ESYT2: variants seen among roughly 807,000 people sequenced by gnomAD.
ESYT2 encodes extended synaptotagmin 2, also known as extended synaptotagmin-2.
In ESYT2, 54 loss-of-function variants were observed where a neutral mutation model predicts 107.2. That is an observed-to-expected ratio of 0.50 (90% CI 0.40 to 0.63). The LOEUF (loss-of-function observed/expected upper bound fraction) is 0.63, where lower values mean the gene tolerates loss of function less well. Ranked by LOEUF, ESYT2 falls within the 30% of genes least tolerant of loss-of-function variation. The pLI is 0.00. For missense variants in ESYT2, 1,020 were observed against 1,094.5 expected (o/e 0.93, Z 0.96); for synonymous variants, 491 against 434.1 (o/e 1.13, Z -1.63).
chr7:158,813,628 T>G lies in ESYT2; in HGVS notation c.331-14556A>C, dbSNP rs568571087. ...TGAGAAAATCCATTGCTAGTAGACT[T>G]GCACTAAAAGAAATACTAAAGTAAG... On this transcript the variant is annotated intron_variant, in intron 1 of 22. Transcript: ENST00000275418. 6.6e-5 allele frequency among the ~76,000 whole-genome samples: 10 copies of G among 152,210 alleles called. No homozygotes were observed. In the East Asian group the frequency reaches 1.9e-3, roughly 29 times the overall value.
chr7:158,828,168 C>T (rs2129474526), intron 1 of ESYT2, among the ~76,000 whole-genome samples: 1 of 152,328 alleles, frequency 6.6e-6, no homozygotes, highest in East Asian at 1.9e-4. Context: ...CCACATCTTT[C>T]GAGAGACACT....
intron 1 of ESYT2, among the ~76,000 whole-genome samples, chr7:158,801,943 C>T (rs1039298449): frequency 1.3e-5 from 2 of 152,304 alleles, no homozygotes; most frequent in Admixed American, 6.5e-5. Flanking sequence ...TTAATCCTCA[C>T]CAGAACCTTT....
At chr7:158,742,289 G>A (rs1837241720) in intron 17 of ESYT2, among the ~76,000 whole-genome samples, 1 of 152,180 alleles carries the variant, frequency 6.6e-6, no homozygotes, top group African/African-American at 2.4e-5. Flanking sequence ...GTGTGGAAGG[G>A]CAGGCCACCC....
At chr7:158,819,661 TTTC>T (rs1474549810) in intron 1 of ESYT2, among the ~76,000 whole-genome samples, 7 of 152,364 alleles carry the variant, frequency 4.6e-5, no homozygotes, top group African/African-American at 1.4e-4. Flanking sequence ...AGGTAACGTT[TTTC>T]TTCTTTATTC....
intron 14 of ESYT2, among the ~76,000 whole-genome samples, chr7:158,752,232 G>A (rs995441628): frequency 2.0e-5 from 3 of 152,100 alleles, no homozygotes; most frequent in African/African-American, 7.2e-5. Flanking sequence ...GAGCACACAC[G>A]TGGATGTCAT....
At chr7:158,764,903 C>G in intron 8 of ESYT2, 50 bp from the exon 9 acceptor site, 3 of 1,582,096 alleles carry the variant, frequency 1.9e-6, no homozygotes, top group Non-Finnish European at 2.6e-6. Context: ...GCTTGTTTAA[C>G]TGGCATGGAA....
intron 20 of ESYT2, 131 bp downstream of exon 20, chr7:158,736,917 A>G (rs979078309): frequency 8.6e-7 from 1 of 1,161,786 alleles, no homozygotes. Flanking sequence ...ATGTTTGCTA[A>G]AAGTTGGTTT....
At chr7:158,745,228 AGCG>A in intron 16 of ESYT2, among the ~76,000 whole-genome samples, 8 of 80,616 alleles carry the variant, frequency 9.9e-5, no homozygotes, top group Non-Finnish European at 6.8e-5. Flanking sequence ...GGGTCAGGCA[AGCG>A]GCATGACCAG....
At chr7:158,755,765 G>A (rs1038223589) in intron 13 of ESYT2, among the ~76,000 whole-genome samples, 2 of 152,120 alleles carry the variant, frequency 1.3e-5, no homozygotes, top group Non-Finnish European at 2.9e-5. Context: ...TAACCCCTCA[G>A]GGTCTTGATT....
chr7:158,804,980 A>G (rs924706440), intron 1 of ESYT2, among the ~76,000 whole-genome samples: 1 of 152,160 alleles, frequency 6.6e-6, no homozygotes, highest in African/African-American at 2.4e-5. Context: ...CGATGAGAAA[A>G]AGTATTAGGG....
rs201340146 is a variant in ESYT2, at chr7:158,759,471, C to T, written c.1419+15G>A. ...GGAAATACGCACCCACAGGTGTTAC[C>T]ACTGTGTTACCTACCGGAAGGTTCC... On this transcript the variant is annotated intron_variant, in intron 13 of 22. Transcript: ENST00000275418. 7.3e-5 allele frequency: 117 copies of T among 1,597,416 alleles called. 1 individual carries two copies. The highest frequency in any genetic ancestry group is 1.5e-5 in the Non-Finnish European group (18 of 1,166,972).
In ESYT2 at chr7:158,742,158, C is replaced by A. The variant is rs116243079; in HGVS notation, c.1795-262G>T. On this transcript the variant is annotated intron_variant, in intron 17 of 22. Transcript: ENST00000275418. ...ACAGGGGTGACCATCGCGCACTACA[C>A]CACAAGCTCCTGGCCTCAAGAGATC... is the stretch of plus-strand genomic sequence containing the variant. Among the ~76,000 whole-genome samples the A allele has an allele frequency of 9.0e-3, 1,364 of 152,298 alleles. 18 individuals are homozygous for A. Among genetic ancestry groups the A allele is most frequent in the African/African-American group, 0.03 (1,226 of 41,558 alleles).
rs756785079 is a variant in ESYT2, at chr7:158,759,037, C to T, written c.1419+449G>A. Among the ~76,000 whole-genome samples, 33 of 152,234 alleles carry T rather than the reference C, an allele frequency of 2.2e-4. 1 individual carries two copies. The highest frequency in any genetic ancestry group is 2.9e-5 in the Non-Finnish European group (2 of 68,038). On this transcript the variant is annotated intron_variant, in intron 13 of 22. Transcript: ENST00000275418. Reference sequence around the variant, plus strand: ...CCCGGAGGCCAGCTCGCTTGTGCAGCAGCACCATTCTGCCATCTGATGCCC... The same window carrying T: ...CCCGGAGGCCAGCTCGCTTGTGCAGTAGCACCATTCTGCCATCTGATGCCC...
chr7:158,770,747 C>A (rs924788222), intron 7 of ESYT2, among the ~76,000 whole-genome samples: 1 of 152,018 alleles, frequency 6.6e-6, no homozygotes, highest in Non-Finnish European at 1.5e-5. Context: ...GATCTCCTGA[C>A]CTCATGATCC....
intron 6 of ESYT2, among the ~76,000 whole-genome samples, chr7:158,776,540 TTTC>T (rs964065948): frequency 6.6e-6 from 1 of 152,192 alleles, no homozygotes; most frequent in Non-Finnish European, 1.5e-5. Context: ...TCTTCAAACT[TTTC>T]TTCTGCAACT....
intron 1 of ESYT2, among the ~76,000 whole-genome samples, chr7:158,823,591 G>C (rs929414849): frequency 6.6e-6 from 1 of 152,046 alleles, no homozygotes; most frequent in Non-Finnish European, 1.5e-5. Flanking sequence ...CTCCCAAAGA[G>C]CAGAGATTAC....
intron 4 of ESYT2, among the ~76,000 whole-genome samples, chr7:158,789,888 T>C (rs563423726): frequency 1.3e-5 from 2 of 152,284 alleles, no homozygotes; most frequent in Admixed American, 6.5e-5. Flanking sequence ...GCATATGTTA[T>C]GGCAGCTAAC....
intron 6 of ESYT2, among the ~76,000 whole-genome samples, chr7:158,780,440 A>G (rs1354644193): frequency 1.3e-5 from 2 of 152,252 alleles, no homozygotes; most frequent in Non-Finnish European, 2.9e-5. Flanking sequence ...ATGAGGAACC[A>G]TCTATAATCA....
At chr7:158,773,543 A>ACAACACAGACCCACACCC in intron 6 of ESYT2, 147 bp from the exon 7 acceptor site, 1 of 666,150 alleles carries the variant, frequency 1.5e-6, no homozygotes, top group Non-Finnish European at 2.4e-6. Flanking sequence ...TACCAAGGAC[A>ACAACACAGACCCACACCC]TTTTTCTTTG....
Sources: allele counts gnomAD v4.1 joint callset (sites outside exome capture counted in the v4.1 genomes callset), GRCh38; gene constraint gnomAD v4.1.1; transcripts MANE v1.5; gene names NCBI Gene and HGNC (gene_info 2026-07-23, HGNC 2026-07-21).